Variants in KDM1A observed in about 807,000 individuals in gnomAD.
The protein encoded by KDM1A is lysine demethylase 1A, also known as lysine-specific histone demethylase 1A.
In KDM1A, 49 loss-of-function variants were observed where a neutral mutation model predicts 109.4. That is an observed-to-expected ratio of 0.45 (90% CI 0.36 to 0.57). The LOEUF is 0.57. Among genes scored for constraint, KDM1A ranks in the 20% least tolerant of loss-of-function variants. KDM1A has a pLI of 0.00. For synonymous variants in KDM1A, 380 were observed against 415.4 expected (o/e 0.91, Z 1.04); for missense variants, 668 against 1,116.6 (o/e 0.60, Z 5.73).
intron 16 of KDM1A, among the ~76,000 whole-genome samples, chr1:23,078,316 G>A (rs1010011403): frequency 2.0e-5 from 3 of 152,112 alleles, no homozygotes; most frequent in African/African-American, 7.2e-5. Context: ...CTCGAGTTCT[G>A]CAGCCATAGA....
intron 2 of KDM1A, among the ~76,000 whole-genome samples, chr1:23,038,727 CAT>C (rs1642223160): frequency 1.3e-5 from 2 of 152,318 alleles, no homozygotes; most frequent in East Asian, 1.9e-4. Context: ...TCTTCAAGCA[CAT>C]ATCTGTGGTG....
chr1:23,068,765 T>C, intron 11 of KDM1A, 84 bp downstream of exon 11: 1 of 1,210,758 alleles, frequency 8.3e-7, no homozygotes. Context: ...TCTGCAAGTC[T>C]TGTTTGAGGT....
intron 9 of KDM1A, among the ~76,000 whole-genome samples, chr1:23,063,958 G>A (rs750115528): frequency 2.0e-5 from 3 of 152,196 alleles, no homozygotes; most frequent in Admixed American, 6.5e-5. Flanking sequence ...CACAAACATG[G>A]CTCACTGTTG....
chr1:23,027,503 C>T (rs1248852972), intron 1 of KDM1A, among the ~76,000 whole-genome samples: 1 of 124,318 alleles, frequency 8.0e-6, no homozygotes, highest in African/African-American at 4.5e-5. Context: ...TAGCCTTGAC[C>T]CCCCCCCGCC....
At chr1:23,029,280 T>C (rs1347129950) in intron 1 of KDM1A, among the ~76,000 whole-genome samples, 1 of 152,220 alleles carries the variant, frequency 6.6e-6, no homozygotes, top group Non-Finnish European at 1.5e-5. Flanking sequence ...GGAAACCATG[T>C]TGTCTTTGCT....
At chr1:23,081,073 T>A in intron 18 of KDM1A, 1 of 191,314 alleles carries the variant, frequency 5.2e-6, no homozygotes, top group South Asian at 1.1e-4. Context: ...GATGTAGTCA[T>A]TGTCATGGAG....
chr1:23,083,317 C>G lies in KDM1A; in HGVS notation c.2584C>G (p.Arg862Gly). ...QFLGAMYTLPRQATPGVPAQQ... is the reference protein window; with the variant it reads ...QFLGAMYTLPGQATPGVPAQQ... ...TTTGGGGGCCATGTATACGCTGCCT[C>G]GCCAGGCCACACCAGGTGTTCCTGC... The change falls in exon 21 of 21, where the codon CGC becomes GGC. Residue 862 changes from arginine to glycine, a missense_variant. By Grantham distance (125) the Arg-to-Gly change is moderately radical. Around this residue, in one of 8 missense-constraint regions of KDM1A, gnomAD observed 69 missense variants for 99.6 expected, o/e 0.69. Transcript: ENST00000400181. 1.2e-6 allele frequency: 2 copies of G among 1,613,794 alleles called. No individual in the cohort carries two copies. Among genetic ancestry groups the G allele is most frequent in the Non-Finnish European group, 1.7e-6 (2 of 1,179,956 alleles).
intron 2 of KDM1A, among the ~76,000 whole-genome samples, chr1:23,034,969 A>G (rs1018470739): frequency 1.3e-5 from 2 of 152,184 alleles, no homozygotes; most frequent in Non-Finnish European, 2.9e-5. Flanking sequence ...CCTTAAGACT[A>G]ATGAAGCCCA....
intron 3 of KDM1A, among the ~76,000 whole-genome samples, chr1:23,048,581 C>T (rs1056711405): frequency 2.6e-5 from 4 of 152,032 alleles, no homozygotes; most frequent in Non-Finnish European, 5.9e-5. Flanking sequence ...GTTTTTTCTC[C>T]TGGTCTCTAA....
chr1:23,040,649 A>G (rs1642287059), intron 2 of KDM1A, among the ~76,000 whole-genome samples: 3 of 151,826 alleles, frequency 2.0e-5, no homozygotes, highest in Admixed American at 1.3e-4. Flanking sequence ...TTAGCCAGGT[A>G]TGGTGGTACA....
intron 1 of KDM1A, among the ~76,000 whole-genome samples, chr1:23,026,779 A>G (rs1392034448): frequency 6.6e-6 from 1 of 152,166 alleles, no homozygotes; most frequent in Admixed American, 6.6e-5. Flanking sequence ...GAGACTAAAG[A>G]TTTAAATTTC....
chr1:23,048,699 T>G (rs1325891415), intron 3 of KDM1A, among the ~76,000 whole-genome samples: 1 of 152,196 alleles, frequency 6.6e-6, no homozygotes, highest in Non-Finnish European at 1.5e-5. Flanking sequence ...TGAATGTCTT[T>G]GTGGAAACAG....
At chr1:23,064,618 C>A (rs1643109763) in intron 9 of KDM1A, among the ~76,000 whole-genome samples, 1 of 152,168 alleles carries the variant, frequency 6.6e-6, no homozygotes, top group Non-Finnish European at 1.5e-5. Context: ...TAGAATGATA[C>A]CAGAGGTAGA....
chr1:23,028,852 G>A (rs1451325110), intron 1 of KDM1A, among the ~76,000 whole-genome samples: 2 of 152,056 alleles, frequency 1.3e-5, no homozygotes, highest in Admixed American at 6.6e-5. Flanking sequence ...CACCTGATCA[G>A]GATCATTTAA....
At chr1:23,078,871 A>T (rs1438151554) in intron 16 of KDM1A, 119 bp from the exon 17 acceptor site, 1 of 929,482 alleles carries the variant, frequency 1.1e-6, no homozygotes, top group East Asian at 2.5e-5. Context: ...CATGAAGGTA[A>T]TGAAAATAGA....
chr1:23,059,342 T>C, intron 9 of KDM1A, 175 bp downstream of exon 9: 1 of 703,286 alleles, frequency 1.4e-6, no homozygotes, highest in Non-Finnish European at 2.7e-6. Context: ...TCTTGAGCTA[T>C]GTAGGAAAGG....
rs1261534747 is a variant in KDM1A, at chr1:23,030,781, G to T, written c.517+147G>T. On this transcript the variant is annotated intron_variant, in intron 2 of 20. Transcript: ENST00000400181. Reference sequence around the variant, plus strand: ...AGTCTCCTGCCATGTGTGTCTTTGTGTGTGTGTATACATATACATGTATAT... The same window carrying T: ...AGTCTCCTGCCATGTGTGTCTTTGTTTGTGTGTATACATATACATGTATAT... 4 of 773,340 alleles carry T rather than the reference G, an allele frequency of 5.2e-6. No individual in the cohort carries two copies. The African/African-American group carries it at 5.3e-5, about 10-fold the overall frequency. The allele number at this position is 773,340 out of a possible 1,614,324, so 47.9% of individuals were successfully genotyped here. A position where few individuals can be genotyped will look rare whatever the true frequency, so the allele number is the denominator to read the frequency against.
intron 19 of KDM1A, chr1:23,081,897 G>C (rs962182729): frequency 4.8e-6 from 2 of 416,662 alleles, no homozygotes; most frequent in African/African-American, 4.0e-5. Context: ...GTACTTTTTC[G>C]TGTTCTTTGA....
chr1:23,069,240 C>T (rs945407508), intron 12 of KDM1A, 89 bp downstream of exon 12: 13 of 768,910 alleles, frequency 1.7e-5, no homozygotes, highest in Admixed American at 2.8e-5. Flanking sequence ...GAGATTTTTT[C>T]CTCCATGGAA....
Sources: allele counts gnomAD v4.1 joint callset (sites outside exome capture counted in the v4.1 genomes callset), GRCh38; gene constraint gnomAD v4.1.1; regional missense constraint gnomAD v4.1.1; transcripts MANE v1.5; gene names NCBI Gene and HGNC (gene_info 2026-07-23, HGNC 2026-07-21).